CALN1: variants seen among roughly 807,000 people sequenced by gnomAD.
CALN1 encodes the protein calneuron 1.
Under a neutral mutation model 30.6 loss-of-function variants are expected in CALN1, and 17 were observed. The ratio of observed to expected loss-of-function variants is 0.56; its 90% CI spans 0.38 to 0.83. The LOEUF (loss-of-function observed/expected upper bound fraction) is 0.83, where lower values mean the gene tolerates loss of function less well. CALN1 is among the 40% of genes least tolerant of loss of function. The pLI is 0.00. For missense variants in CALN1, 291 were observed against 354.9 expected (o/e 0.82, Z 1.45); for synonymous variants, 156 against 131.4 (o/e 1.19, Z -1.28).
At chr7:71,831,885 A>AAC (rs1554348997) in intron 5 of CALN1, among the ~76,000 whole-genome samples, 8 of 149,686 alleles carry the variant, frequency 5.3e-5, no homozygotes, top group Non-Finnish European at 3.0e-5. Flanking sequence ...AAAAAAAAAA[A>AAC]AAAAAAAAAA....
intron 5 of CALN1, among the ~76,000 whole-genome samples, chr7:71,956,295 G>C (rs1796957892): frequency 2.0e-5 from 3 of 151,684 alleles, no homozygotes; most frequent in Admixed American, 6.6e-5. Flanking sequence ...GCCCGTTCTA[G>C]AATTTTAATA....
At chr7:72,428,486 G>A (rs554469100) in intron 1 of CALN1, among the ~76,000 whole-genome samples, 7 of 151,868 alleles carry the variant, frequency 4.6e-5, no homozygotes, top group African/African-American at 7.2e-5. Context: ...CAACATCCTG[G>A]GCTCAAGTGA....
At chr7:72,254,195 G>A (rs373795263) in intron 3 of CALN1, among the ~76,000 whole-genome samples, 3 of 152,260 alleles carry the variant, frequency 2.0e-5, no homozygotes, top group East Asian at 3.9e-4. Flanking sequence ...TCTCTCTTGT[G>A]TAGTGCACTA....
At chr7:71,903,756 C>A (rs1202810070) in intron 5 of CALN1, among the ~76,000 whole-genome samples, 1 of 152,016 alleles carries the variant, frequency 6.6e-6, no homozygotes, top group Non-Finnish European at 1.5e-5. Flanking sequence ...AACAGAGTGA[C>A]AAGACAACCT....
chr7:72,329,965 A>G (rs1562893504), intron 2 of CALN1, among the ~76,000 whole-genome samples: 2 of 151,130 alleles, frequency 1.3e-5, no homozygotes, highest in Non-Finnish European at 2.9e-5. Flanking sequence ...AAAAATAAAT[A>G]AATATAAATA....
chr7:72,180,016 C>T (rs2129546018), intron 3 of CALN1, among the ~76,000 whole-genome samples: 1 of 152,288 alleles, frequency 6.6e-6, no homozygotes, highest in Admixed American at 6.5e-5. Flanking sequence ...AGGATACAAA[C>T]AAGGCACACA....
Position 71,918,055 on chromosome 7 carries a change from T to TA in CALN1, c.501+105601dup, listed in dbSNP as rs201111656. 4.1e-3 allele frequency among the ~76,000 whole-genome samples: 619 copies of TA among 152,314 alleles called. 5 individuals are homozygous for TA. The highest frequency in any genetic ancestry group is 0.013 in the African/African-American group (559 of 41,576). Reference sequence around the variant, plus strand: ...TATTTTCCTCCAGTTTCCTCATCTATAAAATTTGGATAATAACCCCTGACT... The same window carrying TA: ...TATTTTCCTCCAGTTTCCTCATCTATAAAAATTTGGATAATAACCCCTGACT... On this transcript the variant is annotated intron_variant, in intron 5 of 6. Coordinates refer to ENST00000395275, the MANE Select transcript of CALN1 (RefSeq NM_031468.4).
chr7:72,287,977 A>G (rs971021178), intron 2 of CALN1, among the ~76,000 whole-genome samples: 6 of 152,130 alleles, frequency 3.9e-5, no homozygotes, highest in Non-Finnish European at 7.4e-5. Context: ...TTATTGGTAT[A>G]TAATAGTTAT....
At chr7:71,931,507 T>G (rs1042010750) in intron 5 of CALN1, among the ~76,000 whole-genome samples, 4 of 152,232 alleles carry the variant, frequency 2.6e-5, no homozygotes, top group African/African-American at 9.6e-5. Flanking sequence ...GCTCAAGTGA[T>G]CGGCCTACTT....
intron 4 of CALN1, among the ~76,000 whole-genome samples, chr7:72,102,823 C>G (rs142292337): frequency 1.6e-4 from 25 of 152,110 alleles, no homozygotes; most frequent in African/African-American, 6.0e-4. Flanking sequence ...ATCTGTAATT[C>G]CAGCACTTTG....
Position 71,794,336 on chromosome 7 carries a change from A to G in CALN1, c.659-6434T>C, listed in dbSNP as rs187226972. On this transcript the variant is annotated intron_variant, in intron 6 of 6. Coordinates refer to ENST00000395275, the MANE Select transcript of CALN1 (RefSeq NM_031468.4). ...ACTGCGACCTGGCACTAATTTATGC[A>G]TTTCTTGGTAATTATTGAAGGTTAT... Among the ~76,000 whole-genome samples the G allele has an allele frequency of 2.8e-4, 42 of 152,322 alleles. No homozygotes were observed. In the East Asian group the frequency reaches 7.7e-3, roughly 28 times the overall value.
At chr7:71,997,712 A>C (rs554889024) in intron 5 of CALN1, among the ~76,000 whole-genome samples, 3 of 152,244 alleles carry the variant, frequency 2.0e-5, no homozygotes, top group African/African-American at 2.4e-5. Flanking sequence ...AGGCAAAAAA[A>C]ATTCAAATGA....
chr7:71,808,882 G>A lies in CALN1; in HGVS notation c.658+1454C>T, dbSNP rs1313383784. ...AAGGCCAGGTCTGCTGTTTTCTCAA[G>A]TTTCAGTTCTCAATCCCTTCGCTCC... On this transcript the variant is annotated intron_variant, in intron 6 of 6. Coordinates refer to ENST00000395275, the MANE Select transcript of CALN1 (RefSeq NM_031468.4). Among the ~76,000 whole-genome samples, 5 of 152,248 alleles carry A rather than the reference G, an allele frequency of 3.3e-5. No homozygotes were observed. In the East Asian group the frequency reaches 9.7e-4, roughly 29 times the overall value.
At chr7:72,012,955 T>C (rs1800169264) in intron 5 of CALN1, among the ~76,000 whole-genome samples, 2 of 152,024 alleles carry the variant, frequency 1.3e-5, no homozygotes, top group Non-Finnish European at 2.9e-5. Context: ...GCCACCACGC[T>C]TGGCTGATTT....
At chr7:71,975,678 CCTCAGCTT>C (rs771237429) in intron 5 of CALN1, among the ~76,000 whole-genome samples, 5 of 151,920 alleles carry the variant, frequency 3.3e-5, no homozygotes, top group Non-Finnish European at 7.4e-5. Context: ...GATCCTCTTA[CCTCAGCTT>C]CCAAAAGCGC....
At chr7:72,108,110 C>A (rs1167036328) in intron 3 of CALN1, among the ~76,000 whole-genome samples, 1 of 152,214 alleles carries the variant, frequency 6.6e-6, no homozygotes, top group Non-Finnish European at 1.5e-5. Flanking sequence ...CCCGTGAAGG[C>A]TCTAAGGGAA....
At chr7:71,943,828 A>G (rs1796262116) in intron 5 of CALN1, among the ~76,000 whole-genome samples, 1 of 152,166 alleles carries the variant, frequency 6.6e-6, no homozygotes, top group Non-Finnish European at 1.5e-5. Context: ...GGAAAATTAA[A>G]TTGGAGTCGG....
chr7:72,262,635 T>G (rs1469726122), intron 3 of CALN1, among the ~76,000 whole-genome samples: 1 of 152,212 alleles, frequency 6.6e-6, no homozygotes, highest in Non-Finnish European at 1.5e-5. Flanking sequence ...TTAATTCACT[T>G]AGGATAATGG....
chr7:72,337,974 C>G (rs1179591358), intron 2 of CALN1, among the ~76,000 whole-genome samples: 1 of 152,236 alleles, frequency 6.6e-6, no homozygotes, highest in African/African-American at 2.4e-5. Context: ...CCCCAGGTCT[C>G]AAGGGCAACG....
Sources: allele counts gnomAD v4.1 joint callset (sites outside exome capture counted in the v4.1 genomes callset), GRCh38; gene constraint gnomAD v4.1.1; transcripts MANE v1.5; gene names NCBI Gene and HGNC (gene_info 2026-07-23, HGNC 2026-07-21).